IGSF21: variants seen among roughly 807,000 people sequenced by gnomAD.
The protein encoded by IGSF21 is immunoglobin superfamily member 21.
In IGSF21, 28 loss-of-function variants were observed where a neutral mutation model predicts 46.8. The ratio of observed to expected loss-of-function variants is 0.60; its 90% CI spans 0.44 to 0.82. The LOEUF (loss-of-function observed/expected upper bound fraction) is 0.82. IGSF21 is among the 40% of genes least tolerant of loss of function. The pLI is 0.00. For missense variants in IGSF21, 624 were observed against 665.5 expected, an observed-to-expected ratio of 0.94 and a Z score of 0.69; for synonymous variants, 284 against 273.6, an observed-to-expected ratio of 1.04 and a Z score of -0.38.
chr1:18,263,066 A>T (rs2084960514), intron 2 of IGSF21, among the ~76,000 whole-genome samples: 1 of 152,234 alleles, frequency 6.6e-6, no homozygotes, highest in African/African-American at 2.4e-5. Context: ...CACCTGCAAG[A>T]CAAAATCAAG....
rs1305277365 is a variant in IGSF21, at chr1:18,109,128, C to A, written c.70+930C>A. On this transcript the variant is annotated intron_variant, in intron 1 of 9. Transcript: ENST00000251296. The surrounding 1 kb of genome is among the most constrained non-coding windows in gnomAD (Gnocchi z 4.8). ...GGCTCCGCAGCCCCAGGGTCCGCGG[C>A]CGGCCTCCCACCCAGTGCCGCCGCG... Among the ~76,000 whole-genome samples the A allele has an allele frequency of 6.6e-6, 1 of 151,962 alleles. No individual in the cohort carries two copies. Among genetic ancestry groups the A allele is most frequent in the African/African-American group, 2.4e-5 (1 of 41,384 alleles).
At chr1:18,362,012 C>G (rs1342264410) in intron 4 of IGSF21, 103 bp from the exon 5 acceptor site, 2 of 759,134 alleles carry the variant, frequency 2.6e-6, no homozygotes, top group Non-Finnish European at 4.4e-6. Flanking sequence ...CCCTCCCCCA[C>G]CCCCGGCACC....
chr1:18,208,397 T>TATATATATATATATATATATATA (rs368652183), intron 1 of IGSF21, among the ~76,000 whole-genome samples: 1,569 of 92,110 alleles, frequency 0.017, 218 homozygotes, highest in Non-Finnish European at 0.02. Context: ...ATATATATAT[T>TATATATATATATATATATATATA]TTTTGAGACG....
chr1:18,218,808 T>C (rs2084479022), intron 1 of IGSF21, among the ~76,000 whole-genome samples: 1 of 152,148 alleles, frequency 6.6e-6, no homozygotes, highest in African/African-American at 2.4e-5. Context: ...GAGGCAGCTA[T>C]GAAAATGCTT....
chr1:18,204,968 GAC>G lies in IGSF21; in HGVS notation c.71-22924_71-22923del, dbSNP rs2087111562. Among the ~76,000 whole-genome samples, 6 of 152,250 alleles carry G rather than the reference GAC, an allele frequency of 3.9e-5. No homozygotes were observed. In the South Asian group the frequency reaches 1.2e-3, roughly 32 times the overall value. ...TTTTGTTTAAAATAAACTGATGTTG[GAC>G]ACACAGCCTCTGAGAGGATTTCCAA... On this transcript the variant is annotated intron_variant, in intron 1 of 9. Transcript: ENST00000251296.
At chr1:18,363,074 G>A (rs1468305684) in intron 5 of IGSF21, among the ~76,000 whole-genome samples, 2 of 152,186 alleles carry the variant, frequency 1.3e-5, no homozygotes, top group Admixed American at 6.5e-5. Context: ...TAAAAGTGAA[G>A]AGAGGCCAAG....
chr1:18,163,036 G>A (rs1362487328), intron 1 of IGSF21, among the ~76,000 whole-genome samples: 1 of 152,100 alleles, frequency 6.6e-6, no homozygotes, highest in Non-Finnish European at 1.5e-5. Context: ...ACATGGGGAG[G>A]TTAAATTAAT....
At chr1:18,254,307 T>C (rs1416099898) in intron 2 of IGSF21, among the ~76,000 whole-genome samples, 5 of 145,104 alleles carry the variant, frequency 3.4e-5, no homozygotes, top group Admixed American at 3.4e-4. Context: ...TCCCTCTTTT[T>C]GAGCCATTCA....
chr1:18,220,963 G>A (rs913253159), intron 1 of IGSF21, among the ~76,000 whole-genome samples: 1 of 152,156 alleles, frequency 6.6e-6, no homozygotes, highest in Non-Finnish European at 1.5e-5. Context: ...GCAATGGGAA[G>A]CTCCTGGAGA....
At position 18,161,163 on chromosome 1, in the gene IGSF21, GT is replaced by G. The variant is rs556285346; in HGVS notation, c.70+52969del. ...AAACCCCGTGACTCGGCCCTCTCCCGTTTTAGCACGGCCAGCCTCAGCCTCC... is the reference window on the plus strand; with the variant it reads ...AAACCCCGTGACTCGGCCCTCTCCCGTTTAGCACGGCCAGCCTCAGCCTCC... On this transcript the variant is annotated intron_variant, in intron 1 of 9. Coordinates refer to ENST00000251296, the MANE Select transcript of IGSF21 (RefSeq NM_032880.5). Among the ~76,000 whole-genome samples, 17 of 152,142 alleles carry G rather than the reference GT, an allele frequency of 1.1e-4. No homozygotes were observed. In the East Asian group the frequency reaches 3.3e-3, roughly 29 times the overall value.
At chr1:18,239,822 C>A (rs771608023) in intron 2 of IGSF21, among the ~76,000 whole-genome samples, 14 of 152,144 alleles carry the variant, frequency 9.2e-5, no homozygotes, top group Non-Finnish European at 1.6e-4. Context: ...CCACATTCAA[C>A]TGCCATGACC....
intron 6 of IGSF21, among the ~76,000 whole-genome samples, chr1:18,373,737 G>T (rs1340254191): frequency 6.6e-6 from 1 of 152,138 alleles, no homozygotes. Context: ...GTGCTATCAC[G>T]TCTTGTTACT....
Position 18,354,061 on chromosome 1 carries a change from G to A in IGSF21, c.425-8054G>A, listed in dbSNP as rs185805729. On this transcript the variant is annotated intron_variant, in intron 4 of 9. Transcript: ENST00000251296. ...GCACTCTAGTGGGGAGACAGACGTT[G>A]ACCCAGAACAGAATAACAAGTAGCA... Among the ~76,000 whole-genome samples the A allele has an allele frequency of 3.2e-3, 493 of 152,336 alleles. 8 individuals are homozygous for A. Among genetic ancestry groups the A allele is most frequent in the African/African-American group, 0.011 (469 of 41,562 alleles).
intron 1 of IGSF21, among the ~76,000 whole-genome samples, chr1:18,153,061 C>G (rs910035057): frequency 4.6e-5 from 7 of 152,138 alleles, no homozygotes; most frequent in African/African-American, 1.2e-4. Context: ...GGTGACAGCC[C>G]CAGGTTTGGG....
chr1:18,134,432 C>A (rs1007991469), intron 1 of IGSF21, among the ~76,000 whole-genome samples: 5 of 152,192 alleles, frequency 3.3e-5, no homozygotes, highest in Non-Finnish European at 7.3e-5. Flanking sequence ...TCCTCTGGTT[C>A]TTCTCTGTGA....
intron 2 of IGSF21, among the ~76,000 whole-genome samples, chr1:18,291,590 C>A (rs1159514981): frequency 6.6e-6 from 1 of 152,218 alleles, no homozygotes; most frequent in African/African-American, 2.4e-5. Flanking sequence ...CAGCAAGCTT[C>A]CCCTGAGCGC....
chr1:18,219,336 G>A (rs2084484157), intron 1 of IGSF21, among the ~76,000 whole-genome samples: 1 of 152,184 alleles, frequency 6.6e-6, no homozygotes. Flanking sequence ...AAGGGCAAAG[G>A]CCCTGAGGTG....
chr1:18,127,058 T>C (rs1206574735), intron 1 of IGSF21, among the ~76,000 whole-genome samples: 1 of 152,236 alleles, frequency 6.6e-6, no homozygotes, highest in Non-Finnish European at 1.5e-5. Flanking sequence ...GCTGCTCATG[T>C]TCCATCTACC....
chr1:18,313,202 G>A (rs979679466), intron 3 of IGSF21, among the ~76,000 whole-genome samples: 5 of 152,156 alleles, frequency 3.3e-5, no homozygotes, highest in African/African-American at 1.2e-4. Context: ...AAGAAACTCG[G>A]GGAGGTCTCG....
Sources: allele counts gnomAD v4.1 joint callset (sites outside exome capture counted in the v4.1 genomes callset), GRCh38; gene constraint gnomAD v4.1.1; non-coding constraint Gnocchi (gnomAD v3.1); transcripts MANE v1.5; gene names NCBI Gene and HGNC (gene_info 2026-07-23, HGNC 2026-07-21).